POU2F1: variants seen among roughly 807,000 people sequenced by gnomAD.
POU2F1 encodes the protein POU domain, class 2, transcription factor 1.
In POU2F1, 16 loss-of-function variants were observed where a neutral mutation model predicts 84.9. The observed-to-expected ratio is 0.19, with a 90% CI of 0.13 to 0.29. POU2F1 has a LOEUF of 0.29. Among genes scored for constraint, POU2F1 ranks in the 10% least tolerant of loss-of-function variants. The pLI, the probability that POU2F1 is intolerant of heterozygous loss-of-function variation, is 1.00. For synonymous variants in POU2F1, 368 were observed against 368.3 expected (o/e 1.00, Z 0.01); for missense variants, 738 against 942.6 (o/e 0.78, Z 2.84).
rs768475259 is a variant in POU2F1, at chr1:167,420,376, C to T, written c.*4566C>T. 1 of 152,084 alleles carries T rather than the reference C, an allele frequency of 6.6e-6. No homozygotes were observed. Among genetic ancestry groups the T allele is most frequent in the Non-Finnish European group, 1.5e-5 (1 of 68,064 alleles). 9.4% of individuals were successfully genotyped at this position (152,084 alleles called of 1,614,324 possible). On this transcript the variant is annotated 3_prime_UTR_variant, in exon 16 of 16. Coordinates refer to ENST00000367866, the MANE Select transcript of POU2F1 (RefSeq NM_002697.4). ...ACGGGATTTCTCCGTGTTGGCCAGG[C>T]TTTTTGAACTCCTGACCTTAGGTGA...
intron 1 of POU2F1, among the ~76,000 whole-genome samples, chr1:167,310,243 G>A (rs115202617): frequency 6.6e-6 from 1 of 151,930 alleles, no homozygotes; most frequent in South Asian, 2.1e-4. Context: ...CAGGAAAGGG[G>A]GGAAGGGAGA....
chr1:167,289,303 A>G (rs1653750735), intron 1 of POU2F1, among the ~76,000 whole-genome samples: 1 of 152,204 alleles, frequency 6.6e-6, no homozygotes, highest in Non-Finnish European at 1.5e-5. Flanking sequence ...TTCTACCACT[A>G]AGGTTGCTGT....
intron 1 of POU2F1, among the ~76,000 whole-genome samples, chr1:167,321,243 A>C (rs937303201): frequency 6.6e-6 from 1 of 152,248 alleles, no homozygotes; most frequent in Non-Finnish European, 1.5e-5. Flanking sequence ...AAGTCTGGCA[A>C]ATTGTTGGAC....
At chr1:167,373,440 G>A (rs1244621240) in intron 5 of POU2F1, among the ~76,000 whole-genome samples, 5 of 152,186 alleles carry the variant, frequency 3.3e-5, no homozygotes, top group Non-Finnish European at 7.4e-5. Context: ...TTTGGCTGGA[G>A]CTTCTGTTAA....
At chr1:167,231,481 A>G (rs974865584) in intron 1 of POU2F1, among the ~76,000 whole-genome samples, 1 of 152,224 alleles carries the variant, frequency 6.6e-6, no homozygotes, top group African/African-American at 2.4e-5. Context: ...GAACAAAGGT[A>G]GTAAGCTTAT....
intron 2 of POU2F1, among the ~76,000 whole-genome samples, chr1:167,351,761 G>C (rs1453835954): frequency 2.6e-5 from 4 of 151,978 alleles, no homozygotes; most frequent in South Asian, 2.1e-4. Flanking sequence ...AAGGATATCT[G>C]CATTTTCATC....
intron 7 of POU2F1, chr1:167,380,886 T>C (rs915389484): frequency 1.3e-5 from 2 of 152,242 alleles, no homozygotes; most frequent in Admixed American, 1.3e-4. Flanking sequence ...TCCTCAGAAT[T>C]ATTTTTCATG....
intron 8 of POU2F1, among the ~76,000 whole-genome samples, chr1:167,388,372 A>G (rs1333247427): frequency 6.6e-6 from 1 of 152,186 alleles, no homozygotes; most frequent in Non-Finnish European, 1.5e-5. Flanking sequence ...CAACGTTATG[A>G]TATGTATCAA....
chr1:167,330,115 A>G (rs1469351314), intron 1 of POU2F1, among the ~76,000 whole-genome samples: 1 of 152,178 alleles, frequency 6.6e-6, no homozygotes, highest in East Asian at 1.9e-4. Context: ...ATGTCTGTTT[A>G]TATGCAGAAT....
At chr1:167,317,982 A>T (rs1343200371) in intron 1 of POU2F1, among the ~76,000 whole-genome samples, 1 of 152,228 alleles carries the variant, frequency 6.6e-6, no homozygotes, top group Non-Finnish European at 1.5e-5. Context: ...ATCATCATTG[A>T]AATCACAGAG....
chr1:167,372,892 A>G (rs1246446213), intron 5 of POU2F1, among the ~76,000 whole-genome samples: 1 of 151,830 alleles, frequency 6.6e-6, no homozygotes, highest in Non-Finnish European at 1.5e-5. Context: ...TTCAATTCAC[A>G]TCACATTAAC....
chr1:167,371,655 G>T (rs945849310), intron 4 of POU2F1, among the ~76,000 whole-genome samples: 2 of 151,922 alleles, frequency 1.3e-5, no homozygotes, highest in Admixed American at 1.3e-4. Context: ...GAGGAATTGG[G>T]GGCTATGAAA....
rs767122824 is a variant in POU2F1, at chr1:167,329,322, GTTCTT to G, written c.62-3142_62-3138del. On this transcript the variant is annotated intron_variant, in intron 1 of 15. Transcript: ENST00000367866. ...TATGTTCTAGGTGGGTACCAGCACA[GTTCTT>G]TTCTTAGAAGCTTTAATATGGAAAT... The G allele has an allele frequency of 2.1e-5, 33 of 1,546,940 alleles. No homozygotes were observed. In the South Asian group the frequency reaches 3.5e-4, roughly 16 times the overall value.
At chr1:167,353,393 C>G (rs968190908) in intron 2 of POU2F1, among the ~76,000 whole-genome samples, 1 of 151,456 alleles carries the variant, frequency 6.6e-6, no homozygotes, top group African/African-American at 2.4e-5. Context: ...CTCTCTTTAC[C>G]CCCACCGCCT....
intron 1 of POU2F1, among the ~76,000 whole-genome samples, chr1:167,292,420 T>C (rs1193605112): frequency 6.6e-6 from 1 of 151,836 alleles, no homozygotes; most frequent in Non-Finnish European, 1.5e-5. Context: ...AAGCAAAGCT[T>C]TAGAAATTTC....
At chr1:167,375,704 CT>C in intron 6 of POU2F1, among the ~76,000 whole-genome samples, 1 of 152,246 alleles carries the variant, frequency 6.6e-6, no homozygotes, top group Non-Finnish European at 1.5e-5. Context: ...TGTTTTCTCA[CT>C]TGATTTTTAA....
At chr1:167,247,092 A>G (rs12044668) in intron 1 of POU2F1, among the ~76,000 whole-genome samples, 42,056 of 150,570 alleles carry the variant, frequency 0.28, 6,104 homozygotes, top group Middle Eastern at 0.45. Flanking sequence ...TTTTTCCTTA[A>G]AGAAACAGGG....
At chr1:167,397,526 A>AAT (rs1454637813) in intron 10 of POU2F1, among the ~76,000 whole-genome samples, 1 of 151,848 alleles carries the variant, frequency 6.6e-6, no homozygotes, top group African/African-American at 2.4e-5. Context: ...CATGGTAGTA[A>AAT]ATATATATAT....
chr1:167,221,759 T>C (rs1648212567), intron 1 of POU2F1, among the ~76,000 whole-genome samples: 1 of 147,986 alleles, frequency 6.8e-6, no homozygotes, highest in Non-Finnish European at 1.5e-5. Context: ...TGAGCGGTCG[T>C]GGGCGCTGCG....
Sources: allele counts gnomAD v4.1 joint callset (sites outside exome capture counted in the v4.1 genomes callset), GRCh38; gene constraint gnomAD v4.1.1; transcripts MANE v1.5; gene names NCBI Gene and HGNC (gene_info 2026-07-23, HGNC 2026-07-21).